Variants in KIRREL3 observed in about 807,000 individuals in gnomAD.
KIRREL3 encodes kirre like nephrin family adhesion molecule 3.
In KIRREL3, 36 loss-of-function variants were observed where a neutral mutation model predicts 89.7. That is an observed-to-expected ratio of 0.40 (90% confidence interval 0.31 to 0.53). KIRREL3 has a LOEUF of 0.53. Ranked by LOEUF, KIRREL3 falls within the 20% of genes least tolerant of loss-of-function variation. The probability of loss-of-function intolerance (pLI) is 0.49; values close to 1 mark genes in which losing one functional copy is unlikely to be tolerated. For missense variants in KIRREL3, 864 were observed against 1,056.6 expected (o/e 0.82, Z 2.53); for synonymous variants, 445 against 441.4 (o/e 1.01, Z -0.10).
Position 126,929,264 on chromosome 11 carries a change from G to A in KIRREL3, c.55+71191C>T, listed in dbSNP as rs138029439. On this transcript the variant is annotated intron_variant, in intron 1 of 16. Coordinates refer to ENST00000525144, the MANE Select transcript of KIRREL3 (RefSeq NM_032531.4). ...GTGACAAGATGTGGTCATAGTGTAG[G>A]GATGAGTCCCAGAGCCTCCTCCCAG... Among the ~76,000 whole-genome samples the A allele has an allele frequency of 3.3e-3, 499 of 152,264 alleles. 2 individuals are homozygous for A. Among genetic ancestry groups the A allele is most frequent in the South Asian group, 0.016 (77 of 4,820 alleles).
chr11:126,809,653 G>A (rs919147162), intron 1 of KIRREL3, among the ~76,000 whole-genome samples: 2 of 152,166 alleles, frequency 1.3e-5, no homozygotes, highest in African/African-American at 2.4e-5. Context: ...AGAGGTTAGA[G>A]GACTCACAGA....
chr11:126,657,514 G>C (rs1243876525), intron 1 of KIRREL3, among the ~76,000 whole-genome samples: 1 of 152,214 alleles, frequency 6.6e-6, no homozygotes, highest in Non-Finnish European at 1.5e-5. Context: ...GCCAGAGTGG[G>C]ACAAGCTGTT....
rs1024514788 is a variant in KIRREL3, at chr11:126,704,885, C to T, written c.56-141973G>A. ...CAAGGGAAGCAGTATTCTCCTCCTG[C>T]GACCATGCCATGGGATGAAAGCCTC... On this transcript the variant is annotated intron_variant, in intron 1 of 16. Transcript: ENST00000525144. The surrounding 1 kb of genome is among the most constrained non-coding windows in gnomAD (Gnocchi z 4.2). 5.3e-5 allele frequency among the ~76,000 whole-genome samples: 8 copies of T among 152,156 alleles called. No individual in the cohort carries two copies. Among genetic ancestry groups the T allele is most frequent in the African/African-American group, 1.7e-4 (7 of 41,436 alleles).
In KIRREL3 at chr11:126,805,587, A is replaced by G. The variant is rs1565746926; in HGVS notation, c.55+194868T>C. On this transcript the variant is annotated intron_variant, in intron 1 of 16. Transcript: ENST00000525144. The surrounding 1 kb of genome is among the most constrained non-coding windows in gnomAD (Gnocchi z 4.3). ...CATTAATTAATGAATAAATTAAACA[A>G]GGCTTTTCCACTCTATCATCTTGTC... Among the ~76,000 whole-genome samples, 1 of 152,232 alleles carries G rather than the reference A, an allele frequency of 6.6e-6. No homozygotes were observed. The highest frequency in any genetic ancestry group is 2.1e-4 in the South Asian group (1 of 4,828).
chr11:126,849,677 G>A (rs1224160946), intron 1 of KIRREL3, among the ~76,000 whole-genome samples: 7 of 152,268 alleles, frequency 4.6e-5, no homozygotes, highest in African/African-American at 1.7e-4. Context: ...ACTAAAGGGC[G>A]GTGGGGAGAA....
At chr11:126,659,630 G>A (rs143793707) in intron 1 of KIRREL3, among the ~76,000 whole-genome samples, 8 of 152,300 alleles carry the variant, frequency 5.3e-5, no homozygotes, top group African/African-American at 9.6e-5. Context: ...ATGAAAAGGC[G>A]AACATTCACC....
chr11:126,926,976 C>T (rs940914043), intron 1 of KIRREL3, among the ~76,000 whole-genome samples: 1 of 152,162 alleles, frequency 6.6e-6, no homozygotes, highest in African/African-American at 2.4e-5. Flanking sequence ...CTCTGCCTGC[C>T]CTGTCTGCAT....
rs1429529673 is a variant in KIRREL3, at chr11:126,553,558, T to G, written c.133+9277A>C. Among the ~76,000 whole-genome samples the G allele has an allele frequency of 6.6e-6, 1 of 152,218 alleles. No individual in the cohort carries two copies. Among genetic ancestry groups the G allele is most frequent in the Non-Finnish European group, 1.5e-5 (1 of 68,032 alleles). ...TCTACACTGCTGCGGTGCCTCCATA[T>G]CTACCCATTTCATGAGCCCAGGTGG... On this transcript the variant is annotated intron_variant, in intron 2 of 16. Transcript: ENST00000525144. The surrounding 1 kb of genome is among the most constrained non-coding windows in gnomAD (Gnocchi z 4.7).
intron 1 of KIRREL3, among the ~76,000 whole-genome samples, chr11:126,691,456 A>G (rs1178645045): frequency 6.6e-6 from 1 of 152,258 alleles, no homozygotes; most frequent in Non-Finnish European, 1.5e-5. Context: ...ACCTCAGTCA[A>G]AATGAATGAA....
rs887448197 is a variant in KIRREL3 at position 126,954,245 on chromosome 11, G to A, written c.55+46210C>T. ...CTCAAGGATTATAGAGGAATTCTGG[G>A]AAGCTTTCATCAGGCCTCTTAAAAA... On this transcript the variant is annotated intron_variant, in intron 1 of 16. Coordinates refer to ENST00000525144, the MANE Select transcript of KIRREL3 (RefSeq NM_032531.4). This position sits in a 1 kb window ranked among gnomAD's most constrained non-coding sequence, Gnocchi z 4.1. Among the ~76,000 whole-genome samples the A allele has an allele frequency of 2.0e-5, 3 of 151,096 alleles. No homozygotes were observed. Among genetic ancestry groups the A allele is most frequent in the Non-Finnish European group, 2.9e-5 (2 of 67,868 alleles).
chr11:126,992,723 G>C (rs1950069381), intron 1 of KIRREL3, among the ~76,000 whole-genome samples: 1 of 152,132 alleles, frequency 6.6e-6, no homozygotes, highest in African/African-American at 2.4e-5. Flanking sequence ...AGGTTTTTGT[G>C]CTCACCTGCT....
chr11:126,448,560 G>T (rs1457052535), intron 8 of KIRREL3, among the ~76,000 whole-genome samples: 1 of 152,236 alleles, frequency 6.6e-6, no homozygotes, highest in Non-Finnish European at 1.5e-5. Flanking sequence ...AGTAGGAGGA[G>T]GAGCTTTGCA....
At position 126,780,239 on chromosome 11, in the gene KIRREL3, C is replaced by T. The variant is rs558784176; in HGVS notation, c.56-217327G>A. ...AGGAAGCAACAGAAACCCCAGCTAGCGTGGGTGTGTGGACTGCAGATGTGT... is the reference window on the plus strand; with the variant it reads ...AGGAAGCAACAGAAACCCCAGCTAGTGTGGGTGTGTGGACTGCAGATGTGT... On this transcript the variant is annotated intron_variant, in intron 1 of 16. Coordinates refer to ENST00000525144, the MANE Select transcript of KIRREL3 (RefSeq NM_032531.4). This position sits in a 1 kb window ranked among gnomAD's most constrained non-coding sequence, Gnocchi z 5.3. Among the ~76,000 whole-genome samples the T allele has an allele frequency of 3.3e-5, 5 of 152,286 alleles. No individual in the cohort carries two copies. The highest frequency in any genetic ancestry group is 2.0e-4 in the Admixed American group (3 of 15,296).
chr11:126,742,714 A>T lies in KIRREL3; in HGVS notation c.56-179802T>A, dbSNP rs904979341. Among the ~76,000 whole-genome samples the T allele has an allele frequency of 2.0e-5, 3 of 152,214 alleles. No homozygotes were observed. The highest frequency in any genetic ancestry group is 7.2e-5 in the African/African-American group (3 of 41,456). On this transcript the variant is annotated intron_variant, in intron 1 of 16. Transcript: ENST00000525144. The surrounding 1 kb of genome is among the most constrained non-coding windows in gnomAD (Gnocchi z 5.3). ...AATATATATCACCTAGCAGCTAAGA[A>T]ATCAGCAGACAGTGGACTTTAGAAC... is the stretch of plus-strand genomic sequence containing the variant.
At position 126,456,382 on chromosome 11, in the gene KIRREL3, G is replaced by A. The variant is rs755589813; in HGVS notation, c.815C>T (p.Ser272Phe). ...LEDNVVTFHC[S>F]AKANPAVTQY... ...GGTGACAGCTGGGTTGGCCTTTGCAGAGCAGTGGAAAGTGACGACGTTGTC... is the reference window on the plus strand; with the variant it reads ...GGTGACAGCTGGGTTGGCCTTTGCAAAGCAGTGGAAAGTGACGACGTTGTC... Residue 272 changes from serine to phenylalanine, a missense_variant, in exon 7 of 17, where the codon TCT (serine) becomes TTT (phenylalanine). Physicochemically the swap from Ser to Phe is radical, Grantham distance 155. Transcript: ENST00000525144. 1.9e-6 allele frequency: 3 copies of A among 1,593,446 alleles called. No homozygotes were observed. In the African/African-American group the frequency reaches 4.0e-5, roughly 21 times the overall value.
In KIRREL3 at chr11:126,906,016, G is replaced by A. The variant is rs774901577; in HGVS notation, c.55+94439C>T. The stretch of plus-strand genomic sequence containing the variant: ...CAGGTCAAAAATCATTTTATCTGCT[G>A]AAGCAGATGCTTTGTAGAACAAAAT... On this transcript the variant is annotated intron_variant, in intron 1 of 16. Coordinates refer to ENST00000525144, the MANE Select transcript of KIRREL3 (RefSeq NM_032531.4). The surrounding 1 kb of genome is among the most constrained non-coding windows in gnomAD (Gnocchi z 4.1). 2.0e-5 allele frequency among the ~76,000 whole-genome samples: 3 copies of A among 152,234 alleles called. No homozygotes were observed. Among genetic ancestry groups the A allele is most frequent in the Non-Finnish European group, 2.9e-5 (2 of 68,046 alleles).
Position 126,696,762 on chromosome 11 carries a change from A to T in KIRREL3, c.56-133850T>A, listed in dbSNP as rs976328726. Among the ~76,000 whole-genome samples, 1 of 152,162 alleles carries T rather than the reference A, an allele frequency of 6.6e-6. No individual in the cohort carries two copies. Among genetic ancestry groups the T allele is most frequent in the Non-Finnish European group, 1.5e-5 (1 of 68,044 alleles). On this transcript the variant is annotated intron_variant, in intron 1 of 16. Transcript: ENST00000525144. The surrounding 1 kb of genome is among the most constrained non-coding windows in gnomAD (Gnocchi z 4.4). Reference sequence around the variant, plus strand: ...GCAGGCACCGCCAGTGGACACACCGAACACCCCTCTTGTCCAAACACACTG... The same window carrying T: ...GCAGGCACCGCCAGTGGACACACCGTACACCCCTCTTGTCCAAACACACTG...
rs888167588 is a variant in KIRREL3 at position 126,772,224 on chromosome 11, T to A, written c.56-209312A>T. Among the ~76,000 whole-genome samples the A allele has an allele frequency of 1.3e-5, 2 of 152,130 alleles. No individual in the cohort carries two copies. Among genetic ancestry groups the A allele is most frequent in the African/African-American group, 4.8e-5 (2 of 41,440 alleles). ...GTTGGGAGGGAGGATGCACTACAAA[T>A]CAGAAAGAACAGTGCTAAGATTTGG... On this transcript the variant is annotated intron_variant, in intron 1 of 16. Coordinates refer to ENST00000525144, the MANE Select transcript of KIRREL3 (RefSeq NM_032531.4). This position sits in a 1 kb window ranked among gnomAD's most constrained non-coding sequence, Gnocchi z 4.6.
At position 126,972,168 on chromosome 11, in the gene KIRREL3, TAGAG is replaced by T. The variant is rs61426707; in HGVS notation, c.55+28283_55+28286del. ...CTGGTGCCTATGCAAGAGGGTCTGGTAGAGAGAGAGAGAGAGAGAGAGAGAGAGA... is the reference window on the plus strand; with the variant it reads ...CTGGTGCCTATGCAAGAGGGTCTGGTAGAGAGAGAGAGAGAGAGAGAGAGA... On this transcript the variant is annotated intron_variant, in intron 1 of 16. Transcript: ENST00000525144. Among the ~76,000 whole-genome samples the T allele has an allele frequency of 8.1e-3, 971 of 119,896 alleles. 8 individuals are homozygous for T. Among genetic ancestry groups the T allele is most frequent in the East Asian group, 0.049 (228 of 4,624 alleles). The allele number at this position is 119,896 out of a possible 152,430, so 78.7% of individuals were successfully genotyped here.
Sources: allele counts gnomAD v4.1 joint callset (sites outside exome capture counted in the v4.1 genomes callset), GRCh38; gene constraint gnomAD v4.1.1; non-coding constraint Gnocchi (gnomAD v3.1); transcripts MANE v1.5; gene names NCBI Gene and HGNC (gene_info 2026-07-23, HGNC 2026-07-21).